TRIM49: variants seen among roughly 807,000 people sequenced by gnomAD.
TRIM49 encodes the protein tripartite motif-containing protein 49.
TRIM49 carries 5 observed loss-of-function variants against 27.4 expected under a neutral mutation model. The ratio of observed to expected loss-of-function variants is 0.18; its 90% CI spans 0.10 to 0.38. The LOEUF is 0.38. Ranked by LOEUF, TRIM49 falls within the 10% of genes least tolerant of loss-of-function variation. The pLI is 1.00. For missense variants in TRIM49, 188 were observed against 487.5 expected, an observed-to-expected ratio of 0.39 and a Z score of 5.79; for synonymous variants, 69 against 166.0, an observed-to-expected ratio of 0.42 and a Z score of 4.49.
At chr11:89,783,064 A>G in the TRIM49 span, among the ~76,000 whole-genome samples, 2 of 141,318 alleles carry the variant, frequency 1.4e-5, no homozygotes, top group African/African-American at 5.4e-5. Flanking sequence ...TTATTTCTCA[A>G]CATCCTAGTT....
intron 1 of TRIM49, among the ~76,000 whole-genome samples, chr11:89,808,184 C>A (rs1188114482): frequency 6.9e-6 from 1 of 144,730 alleles, no homozygotes; most frequent in East Asian, 2.0e-4. Flanking sequence ...TCTTTCTATG[C>A]CAAGTCTTTT....
downstream of TRIM49, among the ~76,000 whole-genome samples, chr11:89,793,662 G>A (rs1387752577): frequency 6.6e-6 from 1 of 151,944 alleles, no homozygotes; most frequent in Non-Finnish European, 1.5e-5. Flanking sequence ...ATGCAGAAAA[G>A]GCCTTTGACA....
At chr11:89,773,635 C>G in the TRIM49 span, among the ~76,000 whole-genome samples, 4 of 136,794 alleles carry the variant, frequency 2.9e-5, no homozygotes, top group Non-Finnish European at 6.0e-5. Context: ...GAGTGAGAAA[C>G]AAAAATTTAA....
downstream of TRIM49, among the ~76,000 whole-genome samples, chr11:89,793,059 G>T (rs201603330): frequency 8.0e-5 from 12 of 150,378 alleles, no homozygotes; most frequent in South Asian, 2.1e-4. Flanking sequence ...ATGATAAAGG[G>T]GATATCACCA....
At chr11:89,773,916 G>A in the TRIM49 span, among the ~76,000 whole-genome samples, 7 of 135,600 alleles carry the variant, frequency 5.2e-5, 2 homozygotes, top group Non-Finnish European at 1.1e-4. Context: ...CAGCCTGGGC[G>A]ACAGAGCAAG....
chr11:89,805,455 C>T lies in TRIM49; in HGVS notation c.-4-982G>A, dbSNP rs370949146. Among the ~76,000 whole-genome samples, 9 of 151,294 alleles carry T rather than the reference C, an allele frequency of 5.9e-5. No homozygotes were observed. The South Asian group carries it at 1.7e-3, about 28-fold the overall frequency. ...GTGTGGGCACCATCCAATCAGCTGA[C>T]ACCTCAGATATAAAGAAAAAGGCAG... On this transcript the variant is annotated intron_variant, in intron 2 of 7. Coordinates refer to ENST00000329758, the MANE Select transcript of TRIM49 (RefSeq NM_020358.2).
the TRIM49 span, chr11:89,782,040 G>T: frequency 6.5e-7 from 1 of 1,527,416 alleles, no homozygotes; most frequent in South Asian, 1.2e-5. Flanking sequence ...TTCACCTCCG[G>T]CAAGCATTAC....
the TRIM49 span, among the ~76,000 whole-genome samples, chr11:89,775,567 A>G: frequency 1.5e-5 from 2 of 129,662 alleles, no homozygotes; most frequent in Non-Finnish European, 3.1e-5. Context: ...AACCTAATAC[A>G]TATCTTCACT....
the TRIM49 span, chr11:89,768,707 G>A: frequency 2.2e-6 from 1 of 453,278 alleles, no homozygotes; most frequent in Non-Finnish European, 4.3e-6. Flanking sequence ...CAATCACATT[G>A]ACACATTATG....
chr11:89,789,927 C>A, the TRIM49 span, among the ~76,000 whole-genome samples: 1 of 150,874 alleles, frequency 6.6e-6, no homozygotes, highest in Admixed American at 6.6e-5. Context: ...GTGGGTGCAG[C>A]CCACCTAGCA....
the TRIM49 span, chr11:89,789,538 A>T: frequency 6.8e-6 from 1 of 147,952 alleles, no homozygotes; most frequent in African/African-American, 2.5e-5. Context: ...TGCAGCCCAC[A>T]TGGAGAGCTG....
chr11:89,807,088 G>A lies in TRIM49; in HGVS notation c.-5+11C>T, dbSNP rs1949794057. 5 of 152,282 alleles carry A rather than the reference G, an allele frequency of 3.3e-5. No homozygotes were observed. In the South Asian group the frequency reaches 1.0e-3, roughly 32 times the overall value. 9.4% of individuals were successfully genotyped at this position (152,282 alleles called of 1,614,324 possible). On this transcript the variant is annotated intron_variant, in intron 2 of 7. Coordinates refer to ENST00000329758, the MANE Select transcript of TRIM49 (RefSeq NM_020358.2). ...AAAGATGATATAATTTTATCAATAT[G>A]TTTCACTCACCCTGGAGTTCTTTTA... is the stretch of plus-strand genomic sequence containing the variant.
chr11:89,782,124 A>G, the TRIM49 span: 54 of 1,551,128 alleles, frequency 3.5e-5, no homozygotes, highest in Admixed American at 9.8e-5. Context: ...GCAGATACCA[A>G]TATCGTTATT....
At chr11:89,784,740 T>C in the TRIM49 span, among the ~76,000 whole-genome samples, 1 of 144,008 alleles carries the variant, frequency 6.9e-6, no homozygotes, top group Non-Finnish European at 1.5e-5. Flanking sequence ...CAAGGAAAAA[T>C]TTATTCCTGA....
In TRIM49 at chr11:89,798,370, T is replaced by C; in HGVS notation, c.1119A>G (p.Gly373=). 1 of 1,587,772 alleles carries C rather than the reference T, an allele frequency of 6.3e-7. No individual in the cohort carries two copies. The highest frequency in any genetic ancestry group is 1.1e-5 in the South Asian group (1 of 89,942). ...ACCCAAGAAGAAAGAGTCCCGCCTT[T>C]CCATCTATCTTCTCATTCTGATTCT... The part of the protein sequence containing the change: ...KEKNQNEKID[G]KAGLFLLGCV... The change falls in exon 8 of 8, where the codon GGA becomes GGG. Residue 373 remains glycine, a synonymous_variant. Transcript: ENST00000329758.
At chr11:89,792,770 T>C (rs1949663670), downstream of TRIM49, among the ~76,000 whole-genome samples, 1 of 152,050 alleles carries the variant, frequency 6.6e-6, no homozygotes, top group African/African-American at 2.4e-5. Context: ...TTTATAGCAC[T>C]AAATGCCCAC....
At chr11:89,770,749 C>A in the TRIM49 span, among the ~76,000 whole-genome samples, 1 of 142,930 alleles carries the variant, frequency 7.0e-6, no homozygotes, top group African/African-American at 2.8e-5. Context: ...GCCTGTAGTC[C>A]CAGCTACTTG....
the TRIM49 span, among the ~76,000 whole-genome samples, chr11:89,791,337 G>A: frequency 1.3e-5 from 2 of 152,202 alleles, no homozygotes; most frequent in African/African-American, 4.8e-5. Context: ...TTATCCAGGA[G>A]AACTTCCCCA....
At chr11:89,770,755 A>G in the TRIM49 span, among the ~76,000 whole-genome samples, 1 of 143,186 alleles carries the variant, frequency 7.0e-6, no homozygotes, top group Non-Finnish European at 1.5e-5. Flanking sequence ...AGTCCCAGCT[A>G]CTTGGGAGGC....
Sources: allele counts gnomAD v4.1 joint callset (sites outside exome capture counted in the v4.1 genomes callset), GRCh38; gene constraint gnomAD v4.1.1; transcripts MANE v1.5; gene names NCBI Gene and HGNC (gene_info 2026-07-23, HGNC 2026-07-21).